The following PAX3 variants were observed in gnomAD, a reference collection of about 807,000 sequenced individuals.
The protein encoded by PAX3 is paired box protein Pax-3.
In PAX3, 14 loss-of-function variants were observed where a neutral mutation model predicts 51.6. The ratio of observed to expected loss-of-function variants is 0.27; its 90% CI spans 0.18 to 0.42. The LOEUF is 0.42. PAX3 is among the 10% of genes least tolerant of loss of function. PAX3 has a pLI of 1.00. For missense variants in PAX3, 540 were observed against 642.8 expected (o/e 0.84, Z 1.73); for synonymous variants, 280 against 253.4 (o/e 1.11, Z -1.00).
chr2:222,281,354 G>T (rs974218847), intron 4 of PAX3, among the ~76,000 whole-genome samples: 1 of 152,150 alleles, frequency 6.6e-6, no homozygotes, highest in Admixed American at 6.5e-5. Flanking sequence ...TTCCCCAGAT[G>T]AATTTATGTT....
At chr2:222,229,214 T>C (rs924054417) in intron 5 of PAX3, among the ~76,000 whole-genome samples, 3 of 150,652 alleles carry the variant, frequency 2.0e-5, no homozygotes, top group African/African-American at 4.9e-5. Context: ...TGCACTGTTA[T>C]ATTAATATGC....
Position 222,248,898 on chromosome 2 carries a change from G to A in PAX3, c.587-16615C>T, listed in dbSNP as rs1033070313. ...GGAAAGGAGGAAAAACTGGCTGATGGTATGATACAGCATTATCCCAAAATA... is the reference window on the plus strand; with the variant it reads ...GGAAAGGAGGAAAAACTGGCTGATGATATGATACAGCATTATCCCAAAATA... On this transcript the variant is annotated intron_variant, in intron 4 of 8. Coordinates refer to ENST00000392070, the MANE Select transcript of PAX3 (RefSeq NM_181458.4). Among the ~76,000 whole-genome samples, 3 of 152,250 alleles carry A rather than the reference G, an allele frequency of 2.0e-5. No homozygotes were observed. In the South Asian group the frequency reaches 6.2e-4, roughly 32 times the overall value.
At chr2:222,234,085 A>G (rs1692709952) in intron 4 of PAX3, among the ~76,000 whole-genome samples, 1 of 152,208 alleles carries the variant, frequency 6.6e-6, no homozygotes, top group Admixed American at 6.5e-5. Flanking sequence ...TGAACCCATA[A>G]ATGTGATTTT....
intron 3 of PAX3, 144 bp downstream of exon 3, chr2:222,295,384 G>A (rs1386041017): frequency 6.3e-6 from 6 of 959,330 alleles, no homozygotes; most frequent in Non-Finnish European, 9.9e-6. Context: ...CAAGAACACC[G>A]GGTTGGCAAA....
At chr2:222,223,981 AC>A (rs1319455763) in intron 5 of PAX3, among the ~76,000 whole-genome samples, 1 of 152,144 alleles carries the variant, frequency 6.6e-6, no homozygotes, top group Non-Finnish European at 1.5e-5. Context: ...CTCCACCATA[AC>A]CCAATTTTTA....
At chr2:222,212,940 C>T (rs1691802899) in intron 7 of PAX3, among the ~76,000 whole-genome samples, 2 of 152,074 alleles carry the variant, frequency 1.3e-5, no homozygotes, top group Admixed American at 6.6e-5. Flanking sequence ...CAATAATGCT[C>T]ATTTTTTTTC....
intron 7 of PAX3, among the ~76,000 whole-genome samples, chr2:222,219,294 G>A (rs1283793579): frequency 3.3e-5 from 5 of 151,916 alleles, no homozygotes. Flanking sequence ...AGAGATTCTC[G>A]ATTGCAATTA....
At chr2:222,267,829 T>C (rs1252527829) in intron 4 of PAX3, among the ~76,000 whole-genome samples, 1 of 152,170 alleles carries the variant, frequency 6.6e-6, no homozygotes, top group Non-Finnish European at 1.5e-5. Flanking sequence ...TGCTAATATG[T>C]TTTTTAAAAA....
At chr2:222,272,697 C>T (rs903818323) in intron 4 of PAX3, among the ~76,000 whole-genome samples, 1 of 152,196 alleles carries the variant, frequency 6.6e-6, no homozygotes, top group Admixed American at 6.5e-5. Context: ...TTTATTTACA[C>T]AAAGTCCTTC....
intron 4 of PAX3, among the ~76,000 whole-genome samples, chr2:222,259,169 A>G (rs909194448): frequency 3.3e-5 from 5 of 152,226 alleles, no homozygotes. Flanking sequence ...TGCGAAAGGA[A>G]AAACCTACTT....
At chr2:222,235,665 G>T (rs979514028) in intron 4 of PAX3, among the ~76,000 whole-genome samples, 1 of 152,256 alleles carries the variant, frequency 6.6e-6, no homozygotes, top group African/African-American at 2.4e-5. Context: ...GGTATCCTAA[G>T]GTGAGTTCAG....
In PAX3 at chr2:222,201,068, C is replaced by G. The variant is rs1691268151; in HGVS notation, c.*340G>C. The G allele has an allele frequency of 7.9e-7, 1 of 1,272,592 alleles. No individual in the cohort carries two copies. The highest frequency in any genetic ancestry group is 1.3e-5 in the South Asian group (1 of 78,904). The allele number at this position is 1,272,592 out of a possible 1,614,324, so 78.8% of individuals were successfully genotyped here. A position where few individuals can be genotyped will look rare whatever the true frequency, so the allele number is the denominator to read the frequency against. On this transcript the variant is annotated 3_prime_UTR_variant, in exon 9 of 9. Coordinates refer to ENST00000392070, the MANE Select transcript of PAX3 (RefSeq NM_181458.4). ...ACACACACACACGCACGCACGCACA[C>G]AAGCAAATGGAATGTTCTAGCTCCT...
rs1489858492 is a variant in PAX3, at chr2:222,294,131, C to T, written c.586+36G>A. 3.1e-6 allele frequency: 5 copies of T among 1,613,494 alleles called. No individual in the cohort carries two copies. The African/African-American group carries it at 4.0e-5, about 13-fold the overall frequency. On this transcript the variant is annotated intron_variant, in intron 4 of 8. Coordinates refer to ENST00000392070, the MANE Select transcript of PAX3 (RefSeq NM_181458.4). Reference sequence around the variant, plus strand: ...CAGCTAGCCGATGCCCTCCAAGTCACCCAGCAAGTGCGCCGCCCAAGGCGC... The same window carrying T: ...CAGCTAGCCGATGCCCTCCAAGTCATCCAGCAAGTGCGCCGCCCAAGGCGC...
chr2:222,284,922 T>C (rs1002570764), intron 4 of PAX3, among the ~76,000 whole-genome samples: 1 of 152,228 alleles, frequency 6.6e-6, no homozygotes, highest in African/African-American at 2.4e-5. Context: ...TTGGTCTCAA[T>C]TTTAGAGCAA....
Position 222,220,233 on chromosome 2 carries a change from C to T in PAX3, c.1080G>A (p.Arg360=). The T allele has an allele frequency of 3.7e-6, 6 of 1,613,864 alleles. No homozygotes were observed. Among genetic ancestry groups the T allele is most frequent in the Non-Finnish European group, 5.1e-6 (6 of 1,179,934 alleles). The change falls in exon 7 of 9, where the codon AGG becomes AGA. Residue 360 remains arginine (R), a synonymous_variant. Transcript: ENST00000392070. ...SSSAYCLPST[R]HGFSSYTDSF... ...TGTCTGTATAGCTGGAAAATCCATG[C>T]CTGGTGCTGGGGAGGCAGTAGGCAG...
intron 5 of PAX3, among the ~76,000 whole-genome samples, chr2:222,227,520 A>T (rs1692430073): frequency 6.6e-6 from 1 of 152,102 alleles, no homozygotes. Context: ...TGAGCCCAGG[A>T]GGCAGAGGTT....
rs1356282889 is a variant in PAX3, at chr2:222,199,939, T to C, written c.*1469A>G. The stretch of plus-strand genomic sequence containing the variant: ...TAAATAGTAAATATTTACTGCACTT[T>C]TTACATGAAAGACATTTTTACAACA... On this transcript the variant is annotated 3_prime_UTR_variant, in exon 9 of 9. Coordinates refer to ENST00000392070, the MANE Select transcript of PAX3 (RefSeq NM_181458.4). 2 of 186,080 alleles carry C rather than the reference T, an allele frequency of 1.1e-5. No homozygotes were observed. The highest frequency in any genetic ancestry group is 2.3e-5 in the Non-Finnish European group (2 of 87,692). The allele number at this position is 186,080 out of a possible 1,614,324, so 11.5% of individuals were successfully genotyped here. A position where few individuals can be genotyped will look rare whatever the true frequency, so the allele number is the denominator to read the frequency against.
intron 4 of PAX3, among the ~76,000 whole-genome samples, chr2:222,256,475 C>T (rs1436810976): frequency 6.6e-6 from 1 of 151,960 alleles, no homozygotes; most frequent in Non-Finnish European, 1.5e-5. Context: ...TTCCCTCTCC[C>T]TCTCCACTCC....
At chr2:222,210,273 A>T (rs1343911180) in intron 7 of PAX3, among the ~76,000 whole-genome samples, 1 of 152,138 alleles carries the variant, frequency 6.6e-6, no homozygotes, top group African/African-American at 2.4e-5. Flanking sequence ...CAATTGATAA[A>T]CTCAAAATCA....
Sources: allele counts gnomAD v4.1 joint callset (sites outside exome capture counted in the v4.1 genomes callset), GRCh38; gene constraint gnomAD v4.1.1; transcripts MANE v1.5; gene names NCBI Gene and HGNC (gene_info 2026-07-23, HGNC 2026-07-21).